F7: variants seen among roughly 807,000 people sequenced by gnomAD.
F7 encodes the protein FVII coagulation protein.
A neutral mutation model predicts 47.5 loss-of-function variants in F7; 38 were observed. The ratio of observed to expected loss-of-function variants is 0.80; its 90% confidence interval spans 0.62 to 1.05. The LOEUF is 1.05. Ranked by LOEUF, F7 falls within the 50% of genes least tolerant of loss-of-function variation. The pLI, the probability that F7 is intolerant of heterozygous loss-of-function variation, is 0.00. For synonymous variants in F7, 244 were observed against 258.5 expected, an observed-to-expected ratio of 0.94 and a Z score of 0.54; for missense variants, 575 against 605.4, an observed-to-expected ratio of 0.95 and a Z score of 0.53.
intron 1 of F7, 193 bp from the exon 2 acceptor site, chr13:113,110,497 A>C: frequency 1.2e-5 from 8 of 662,858 alleles, no homozygotes; most frequent in Admixed American, 3.0e-5. Context: ...CAGGCCGGGA[A>C]GGATGGGCGA....
Position 113,110,806 on chromosome 13 carries a change from T to C in F7, c.181T>C (p.Ser61Pro). Residue 61 changes from serine to proline, a missense_variant, in exon 2 of 8, where the codon TCC (serine) becomes CCC (proline). Coordinates refer to ENST00000346342, the MANE Select transcript of F7 (RefSeq NM_019616.4). ...LERECKEEQC[S>P]FEEAREIFKD... The stretch of plus-strand genomic sequence containing the variant: ...GAGGGAGTGCAAGGAGGAGCAGTGC[T>C]CCTTCGAGGAGGCCCGGGAGATCTT... The C allele has an allele frequency of 1.3e-6, 2 of 1,557,954 alleles. No homozygotes were observed. The highest frequency in any genetic ancestry group is 1.4e-5 in the African/African-American group (1 of 73,592).
At position 113,106,921 on chromosome 13, in the gene F7, A is replaced by T. The variant is rs886049986; in HGVS notation, c.64+1016A>T. 4.4e-6 allele frequency: 7 copies of T among 1,597,994 alleles called. No homozygotes were observed. Among genetic ancestry groups the T allele is most frequent in the Non-Finnish European group, 5.1e-6 (6 of 1,172,152 alleles). On this transcript the variant is annotated intron_variant, in intron 1 of 7. Coordinates refer to ENST00000346342, the MANE Select transcript of F7 (RefSeq NM_019616.4). ...CGGGGCCTCACAGAGGTGAGCAGGG[A>T]CTGCCACTGGTTTTGTCCTGGGGCC...
At position 113,118,463 on chromosome 13, in the gene F7, G is replaced by A; in HGVS notation, c.790G>A (p.Ala264Thr). The A allele has an allele frequency of 6.2e-7, 1 of 1,607,168 alleles. No homozygotes were observed. The highest frequency in any genetic ancestry group is 8.5e-7 in the Non-Finnish European group (1 of 1,178,390). Reference sequence around the variant, plus strand: ...CGGGGATGAGCAGAGCCGGCGGGTGGCGCAGGTCATCATCCCCAGCACGTA... The same window carrying A: ...CGGGGATGAGCAGAGCCGGCGGGTGACGCAGGTCATCATCCCCAGCACGTA... ...HDGDEQSRRV[A>T]QVIIPSTYVP... is the part of the protein sequence containing the mutation. The change falls in exon 8 of 8, where the codon GCG (alanine) becomes ACG (threonine). Residue 264 changes from alanine (A) to threonine (T), a missense_variant. Coordinates refer to ENST00000346342, the MANE Select transcript of F7 (RefSeq NM_019616.4).
At chr13:113,115,173 T>G (rs2036172296) in intron 4 of F7, among the ~76,000 whole-genome samples, 1 of 152,194 alleles carries the variant, frequency 6.6e-6, no homozygotes, top group Non-Finnish European at 1.5e-5. Flanking sequence ...CTGCTTCTTC[T>G]GTCTGAGCCC....
Position 113,116,846 on chromosome 13 carries a change from G to C in F7, c.586G>C (p.Val196Leu). Residue 196 changes from valine (V) to leucine (L), a missense_variant, in exon 6 of 8, where the codon GTG becomes CTG. By Grantham distance (32) the Val-to-Leu change is conservative. Transcript: ENST00000346342. ...CCAAGGCCGAATTGTGGGGGGCAAG[G>C]TGTGCCCCAAAGGGGAGTGTCCATG... ...KPQGRIVGGK[V>L]CPKGECPWQV... 1 of 1,613,740 alleles carries C rather than the reference G, an allele frequency of 6.2e-7. No homozygotes were observed. Among genetic ancestry groups the C allele is most frequent in the Non-Finnish European group, 8.5e-7 (1 of 1,179,958 alleles).
In F7 at chr13:113,110,778, G is replaced by T. The variant is rs1279150756; in HGVS notation, c.153G>T (p.Leu51=). ...AFLEELRPGS[L]ERECKEEQCS... ...TGGAGGAGCTGCGGCCGGGCTCCCT[G>T]GAGAGGGAGTGCAAGGAGGAGCAGT... is the stretch of plus-strand genomic sequence containing the variant. The change falls in exon 2 of 8, where the codon CTG becomes CTT. Residue 51 remains leucine (L), a synonymous_variant. Transcript: ENST00000346342. 6.4e-7 allele frequency: 1 copy of T among 1,551,456 alleles called. No homozygotes were observed. Among genetic ancestry groups the T allele is most frequent in the East Asian group, 2.4e-5 (1 of 41,098 alleles).
At position 113,113,729 on chromosome 13, in the gene F7, G is replaced by GGCTT. The variant is rs1350873352; in HGVS notation, c.226-19_226-16dup. The GGCTT allele has an allele frequency of 3.1e-6, 5 of 1,612,562 alleles. No individual in the cohort carries two copies. The highest frequency in any genetic ancestry group is 4.2e-6 in the Non-Finnish European group (5 of 1,178,552). ...GCTCTGGTGAAGGTGCATCTCACGA[G>GGCTT]GCTTGCTCTCTTGTTCCTTCAGAAG... On this transcript the variant is annotated intron_variant, in intron 2 of 7. Transcript: ENST00000346342. The surrounding 1 kb of genome is among the most constrained non-coding windows in gnomAD (Gnocchi z 4.1).
chr13:113,113,468 C>T lies in F7; in HGVS notation c.226-284C>T, dbSNP rs879265726. Among the ~76,000 whole-genome samples the T allele has an allele frequency of 5.9e-5, 9 of 152,254 alleles. No individual in the cohort carries two copies. The highest frequency in any genetic ancestry group is 1.9e-4 in the East Asian group (1 of 5,198). On this transcript the variant is annotated intron_variant, in intron 2 of 7. Coordinates refer to ENST00000346342, the MANE Select transcript of F7 (RefSeq NM_019616.4). This position sits in a 1 kb window ranked among gnomAD's most constrained non-coding sequence, Gnocchi z 4.1. ...GCTGTGGCTCAGAGCCTGTGTACCT[C>T]GTCCCAGGTCCACAGCTCAGCGACA...
chr13:113,118,653 A>G lies in F7; in HGVS notation c.980A>G (p.Asp327Gly). 1 of 1,612,444 alleles carries G rather than the reference A, an allele frequency of 6.2e-7. No homozygotes were observed. Residue 327 changes from aspartate (D) to glycine (G), a missense_variant, in exon 8 of 8, where the codon GAC becomes GGC. Asp to Gly is a moderately conservative substitution (Grantham distance 94). Transcript: ENST00000346342. ...SLVSGWGQLL[D>G]RGATALELMV... Reference sequence around the variant, plus strand: ...GTCAGCGGCTGGGGCCAGCTGCTGGACCGTGGCGCCACGGCCCTGGAGCTC... The same window carrying G: ...GTCAGCGGCTGGGGCCAGCTGCTGGGCCGTGGCGCCACGGCCCTGGAGCTC...
intron 1 of F7, among the ~76,000 whole-genome samples, chr13:113,109,363 C>T (rs1225020229): frequency 6.6e-6 from 1 of 152,042 alleles, no homozygotes; most frequent in Admixed American, 6.5e-5. Context: ...GAGTTCCCAC[C>T]TCCTTGAGCC....
chr13:113,118,386 G>A (rs749194101), intron 7 of F7, 27 bp from the exon 8 acceptor site: 2 of 1,572,618 alleles, frequency 1.3e-6, no homozygotes, highest in South Asian at 2.3e-5. Context: ...TGGTGGAAAG[G>A]GCCTGAGGGG....
At chr13:113,105,961 A>G (rs2035945116) in intron 1 of F7, 56 bp downstream of exon 1, 2 of 1,500,714 alleles carry the variant, frequency 1.3e-6, no homozygotes, top group African/African-American at 2.8e-5. Flanking sequence ...GGGCAAATCC[A>G]GGAGCCAGCC....
At chr13:113,110,529 C>G (rs1209370894) in intron 1 of F7, 161 bp from the exon 2 acceptor site, 1 of 905,182 alleles carries the variant, frequency 1.1e-6, no homozygotes, top group Non-Finnish European at 1.6e-6. Context: ...GACCCGGGAG[C>G]ACGGCAGGGA....
chr13:113,106,998 G>C, intron 1 of F7: 1 of 1,446,112 alleles, frequency 6.9e-7, no homozygotes, highest in Non-Finnish European at 9.5e-7. Context: ...GAGCCAGCCC[G>C]CGGGGTGGCT....
In F7 at chr13:113,110,866, G is replaced by A; in HGVS notation, c.225+16G>A. The A allele has an allele frequency of 6.4e-7, 1 of 1,553,096 alleles. No individual in the cohort carries two copies. Among genetic ancestry groups the A allele is most frequent in the Non-Finnish European group, 8.7e-7 (1 of 1,149,234 alleles). On this transcript the variant is annotated intron_variant, in intron 2 of 7. Coordinates refer to ENST00000346342, the MANE Select transcript of F7 (RefSeq NM_019616.4). ...GGAGAGGACGGTGAGCCCAGCCTCG[G>A]GGCGCCCCGCGCCGCGGACACTGCA...
rs1450120320 is a variant in F7 at position 113,118,902 on chromosome 13, G to A, written c.1229G>A (p.Gly410Asp). 2 of 1,612,216 alleles carry A rather than the reference G, an allele frequency of 1.2e-6. No homozygotes were observed. The highest frequency in any genetic ancestry group is 1.3e-5 in the African/African-American group (1 of 74,932). The change falls in exon 8 of 8, where the codon GGC becomes GAC. Residue 410 changes from glycine to aspartate, a missense_variant. Transcript: ENST00000346342. Reference protein sequence around the residue: ...VSWGQGCATVGHFGVYTRVSQ... With the variant: ...VSWGQGCATVDHFGVYTRVSQ... ...TGGGGCCAGGGCTGCGCAACCGTGG[G>A]CCACTTTGGGGTGTACACCAGGGTC...
chr13:113,111,026 G>C (rs1258198732), intron 2 of F7, among the ~76,000 whole-genome samples, 176 bp downstream of exon 2: 4 of 152,124 alleles, frequency 2.6e-5, no homozygotes, highest in Non-Finnish European at 5.9e-5. Context: ...CGCTTTCCTG[G>C]GCGATGCCCC....
At chr13:113,116,020 G>A (rs1366136694) in intron 5 of F7, among the ~76,000 whole-genome samples, 1 of 152,174 alleles carries the variant, frequency 6.6e-6, no homozygotes, top group Non-Finnish European at 1.5e-5. Flanking sequence ...ATGGCCTCAG[G>A]CCCCCTGCCA....
intron 2 of F7, among the ~76,000 whole-genome samples, chr13:113,112,845 C>G (rs150019932): frequency 6.7e-6 from 1 of 149,246 alleles, no homozygotes; most frequent in Non-Finnish European, 1.5e-5. Flanking sequence ...TCACAGGTCA[C>G]CTTACTCTCA....
Sources: allele counts gnomAD v4.1 joint callset (sites outside exome capture counted in the v4.1 genomes callset), GRCh38; gene constraint gnomAD v4.1.1; non-coding constraint Gnocchi (gnomAD v3.1); transcripts MANE v1.5; gene names NCBI Gene and HGNC (gene_info 2026-07-23, HGNC 2026-07-21).